Variants in SYK observed in about 807,000 individuals in gnomAD.
SYK encodes spleen associated tyrosine kinase.
Under a neutral mutation model 77.8 loss-of-function variants are expected in SYK, and 16 were observed. That is an observed-to-expected ratio of 0.21 (90% CI 0.14 to 0.31). SYK has a LOEUF of 0.31. SYK is among the 10% of genes least tolerant of loss of function. SYK has a pLI of 1.00. For synonymous variants in SYK, 312 were observed against 308.7 expected (o/e 1.01, Z -0.11); for missense variants, 529 against 814.4 (o/e 0.65, Z 4.26).
chr9:90,850,554 G>A (rs925578387), intron 3 of SYK, among the ~76,000 whole-genome samples: 11 of 151,872 alleles, frequency 7.2e-5, no homozygotes, highest in African/African-American at 2.7e-4. Flanking sequence ...ATTTCACAGA[G>A]GGGGTTGGAA....
chr9:90,883,388 C>T (rs79006601), intron 11 of SYK, among the ~76,000 whole-genome samples: 3,300 of 152,194 alleles, frequency 0.022, 56 homozygotes, highest in Non-Finnish European at 0.037. Flanking sequence ...GCCACTGCCC[C>T]GCCACATAGG....
chr9:90,890,257 G>A lies in SYK; in HGVS notation c.1835+1630G>A, dbSNP rs375358361. Among the ~76,000 whole-genome samples the A allele has an allele frequency of 9.2e-5, 14 of 152,286 alleles. 2 individuals are homozygous for A. Among genetic ancestry groups the A allele is most frequent in the African/African-American group, 1.7e-4 (7 of 41,560 alleles). On this transcript the variant is annotated intron_variant, in intron 13 of 13. Coordinates refer to ENST00000375754, the MANE Select transcript of SYK (RefSeq NM_003177.7). ...AGGCTGCTGAATACCCTTTGGGCTCGTGGTGTATTCTTGTGACTCAAGGAA... is the reference window on the plus strand; with the variant it reads ...AGGCTGCTGAATACCCTTTGGGCTCATGGTGTATTCTTGTGACTCAAGGAA...
rs199868385 is a variant in SYK, at chr9:90,898,518, A to T, written c.*2918A>T. On this transcript the variant is annotated 3_prime_UTR_variant, in exon 14 of 14. Transcript: ENST00000375754. ...CATTGTGTCACTGGACATTTTTAAA[A>T]ACTGTGATTTTTAATAAAAATTTAA... The T allele has an allele frequency of 2.9e-5, 6 of 207,740 alleles. No individual in the cohort carries two copies. The highest frequency in any genetic ancestry group is 4.9e-5 in the Non-Finnish European group (5 of 102,090). The allele number at this position is 207,740 out of a possible 1,614,324, so 12.9% of individuals were successfully genotyped here.
chr9:90,897,292 A>G lies in SYK; in HGVS notation c.*1692A>G. Reference sequence around the variant, plus strand: ...TTTTGGTAGCCACGCACACTTTCTGAAATCACACTATCTGGTGGTTTAATC... The same window carrying G: ...TTTTGGTAGCCACGCACACTTTCTGGAATCACACTATCTGGTGGTTTAATC... On this transcript the variant is annotated 3_prime_UTR_variant, in exon 14 of 14. Coordinates refer to ENST00000375754, the MANE Select transcript of SYK (RefSeq NM_003177.7). 1 of 230,728 alleles carries G rather than the reference A, an allele frequency of 4.3e-6. No homozygotes were observed. Among genetic ancestry groups the G allele is most frequent in the East Asian group, 6.1e-5 (1 of 16,302 alleles). The allele number at this position is 230,728 out of a possible 1,614,324, so 14.3% of individuals were successfully genotyped here. A position where few individuals can be genotyped will look rare whatever the true frequency, so the allele number is the denominator to read the frequency against.
At chr9:90,815,374 C>A (rs1163285825) in intron 1 of SYK, among the ~76,000 whole-genome samples, 1 of 152,232 alleles carries the variant, frequency 6.6e-6, no homozygotes, top group Non-Finnish European at 1.5e-5. Flanking sequence ...CCACTGGCCC[C>A]TCGGCTCCAA....
chr9:90,803,644 G>A (rs1824700202), intron 1 of SYK, among the ~76,000 whole-genome samples: 2 of 151,828 alleles, frequency 1.3e-5, no homozygotes, highest in South Asian at 4.1e-4. Flanking sequence ...TTTAATGGAA[G>A]ACTTCTTAGT....
chr9:90,856,917 T>C (rs571265067), intron 3 of SYK, among the ~76,000 whole-genome samples: 1 of 152,370 alleles, frequency 6.6e-6, no homozygotes, highest in East Asian at 1.9e-4. Flanking sequence ...GATTTCCTCT[T>C]CACAGGTCCT....
chr9:90,845,651 G>A, intron 3 of SYK, 57 bp downstream of exon 3: 2 of 1,578,500 alleles, frequency 1.3e-6, no homozygotes, highest in Non-Finnish European at 1.7e-6. Context: ...GGACAATTGG[G>A]AATAATTCAG....
chr9:90,806,294 C>T (rs1379498844), intron 1 of SYK, among the ~76,000 whole-genome samples: 2 of 152,158 alleles, frequency 1.3e-5, no homozygotes, highest in Admixed American at 6.5e-5. Flanking sequence ...TTCTAGAACC[C>T]TCCATCTTCT....
Position 90,814,710 on chromosome 9 carries a change from C to G in SYK, c.-42+12817C>G, listed in dbSNP as rs1482487820. 1.3e-5 allele frequency among the ~76,000 whole-genome samples: 2 copies of G among 152,194 alleles called. 1 individual carries two copies. The highest frequency in any genetic ancestry group is 3.9e-4 in the East Asian group (2 of 5,186). ...TCTTAAGAGGATCTGACCCTGGGAA[C>G]TGATGAGGGCACCAGGAGTGCCCTC... On this transcript the variant is annotated intron_variant, in intron 1 of 13. Transcript: ENST00000375754.
In SYK at chr9:90,817,845, T is replaced by TTGTGTGTGTGTGTGTGTG. The variant is rs746939088; in HGVS notation, c.-42+15973_-42+15990dup. Among the ~76,000 whole-genome samples, 461 of 137,586 alleles carry TTGTGTGTGTGTGTGTGTG rather than the reference T, an allele frequency of 3.4e-3. 2 individuals are homozygous for TTGTGTGTGTGTGTGTGTG. The highest frequency in any genetic ancestry group is 4.4e-3 in the Non-Finnish European group (285 of 65,448). 90.3% of individuals were successfully genotyped at this position (137,586 alleles called of 152,430 possible). On this transcript the variant is annotated intron_variant, in intron 1 of 13. Transcript: ENST00000375754. Reference sequence around the variant, plus strand: ...AATATTTCCTCCCTTCTCAATAATGTTGTGTGTGTGTGTGTGTGTGTGTGT... The same window carrying TTGTGTGTGTGTGTGTGTG: ...AATATTTCCTCCCTTCTCAATAATGTTGTGTGTGTGTGTGTGTGTGTGTGTGTGTGTGTGTGTGTGTGT...
chr9:90,862,056 T>G, intron 3 of SYK, 150 bp from the exon 4 acceptor site: 2 of 1,027,836 alleles, frequency 1.9e-6, no homozygotes, highest in Non-Finnish European at 2.7e-6. Context: ...CCCTTGACCC[T>G]GAGGCTCCAA....
In SYK at chr9:90,897,436, A is replaced by C. The variant is rs1829033090; in HGVS notation, c.*1836A>C. On this transcript the variant is annotated 3_prime_UTR_variant, in exon 14 of 14. Coordinates refer to ENST00000375754, the MANE Select transcript of SYK (RefSeq NM_003177.7). ...TCAGCCAGGCCACAAACAGGTGTAAAATTATGAAAGGAGTGGTTGGATGTG... is the reference window on the plus strand; with the variant it reads ...TCAGCCAGGCCACAAACAGGTGTAACATTATGAAAGGAGTGGTTGGATGTG... 1 of 232,262 alleles carries C rather than the reference A, an allele frequency of 4.3e-6. No homozygotes were observed. Among genetic ancestry groups the C allele is most frequent in the African/African-American group, 2.2e-5 (1 of 45,274 alleles). The allele number at this position is 232,262 out of a possible 1,614,324, so 14.4% of individuals were successfully genotyped here. A position where few individuals can be genotyped will look rare whatever the true frequency, so the allele number is the denominator to read the frequency against.
chr9:90,886,419 A>G, intron 11 of SYK, among the ~76,000 whole-genome samples: 1 of 152,190 alleles, frequency 6.6e-6, no homozygotes, highest in East Asian at 1.9e-4. Flanking sequence ...TCAAAACAAA[A>G]ACAGGCTGGG....
intron 3 of SYK, among the ~76,000 whole-genome samples, chr9:90,853,254 A>G (rs1342997667): frequency 1.3e-5 from 2 of 148,482 alleles, no homozygotes. Flanking sequence ...GTCGCTAACT[A>G]TAGGAACTGG....
intron 1 of SYK, among the ~76,000 whole-genome samples, chr9:90,813,943 T>C (rs560148328): frequency 7.9e-5 from 12 of 152,316 alleles, no homozygotes; most frequent in African/African-American, 2.6e-4. Context: ...GGGGGCATCT[T>C]ACTCAGAAGC....
intron 3 of SYK, among the ~76,000 whole-genome samples, chr9:90,858,096 G>A (rs1203999607): frequency 1.3e-5 from 2 of 152,158 alleles, no homozygotes; most frequent in African/African-American, 2.4e-5. Flanking sequence ...CTTTCCCCTT[G>A]GTGCCCGGGC....
intron 3 of SYK, among the ~76,000 whole-genome samples, chr9:90,851,131 G>A (rs901111946): frequency 6.6e-6 from 1 of 152,162 alleles, no homozygotes; most frequent in African/African-American, 2.4e-5. Flanking sequence ...GGCAAAACCA[G>A]GTCCCTGATG....
chr9:90,831,007 T>G (rs1321462186), intron 1 of SYK, among the ~76,000 whole-genome samples: 1 of 152,218 alleles, frequency 6.6e-6, no homozygotes, highest in Non-Finnish European at 1.5e-5. Context: ...TGCTTTGCAT[T>G]GAGGGGGCTG....
Sources: gnomAD v4.1 joint callset for allele counts (sites outside exome capture counted in the v4.1 genomes callset) on GRCh38, gnomAD v4.1.1 for gene constraint, MANE v1.5 for transcripts, NCBI Gene and HGNC (gene_info 2026-07-23, HGNC 2026-07-21) for gene names.